Variants in CADM2 observed in about 807,000 individuals in gnomAD.
CADM2 encodes immunoglobulin superfamily member 4D.
In CADM2, 12 loss-of-function variants were observed where a neutral mutation model predicts 49.8. That is an observed-to-expected ratio of 0.24 (90% CI 0.15 to 0.39). The LOEUF (loss-of-function observed/expected upper bound fraction) is 0.39, where lower values mean the gene tolerates loss of function less well. Ranked by LOEUF, CADM2 falls within the 10% of genes least tolerant of loss-of-function variation. The pLI, the probability that CADM2 is intolerant of heterozygous loss-of-function variation, is 1.00. For synonymous variants in CADM2, 214 were observed against 175.4 expected (o/e 1.22, Z -1.74); for missense variants, 378 against 492.3 (o/e 0.77, Z 2.20).
At chr3:85,960,269 C>A (rs781125235) in intron 7 of CADM2, among the ~76,000 whole-genome samples, 1 of 151,876 alleles carries the variant, frequency 6.6e-6, no homozygotes, top group Admixed American at 6.6e-5. Flanking sequence ...AGAAAGGATG[C>A]CATACCCATA....
At chr3:85,969,412 A>T (rs1267509524) in intron 8 of CADM2, among the ~76,000 whole-genome samples, 1 of 151,412 alleles carries the variant, frequency 6.6e-6, no homozygotes, top group African/African-American at 2.4e-5. Context: ...CAAGATGCAC[A>T]AGAAATGCTG....
chr3:85,388,169 C>T (rs2034338324), intron 1 of CADM2, among the ~76,000 whole-genome samples: 1 of 152,170 alleles, frequency 6.6e-6, no homozygotes, highest in Non-Finnish European at 1.5e-5. Flanking sequence ...GCTGGGACTA[C>T]AGGAGCATAG....
At chr3:85,814,455 A>G (rs2073081041) in intron 3 of CADM2, among the ~76,000 whole-genome samples, 2 of 152,176 alleles carry the variant, frequency 1.3e-5, no homozygotes, top group Non-Finnish European at 2.9e-5. Context: ...ATAAAAATTC[A>G]AAGAACTAGA....
At chr3:85,567,225 C>T (rs1283209485) in intron 1 of CADM2, among the ~76,000 whole-genome samples, 1 of 152,184 alleles carries the variant, frequency 6.6e-6, no homozygotes, top group Non-Finnish European at 1.5e-5. Flanking sequence ...GTGTGCAAAT[C>T]TCATCAGGCT....
intron 1 of CADM2, among the ~76,000 whole-genome samples, chr3:85,410,114 A>T (rs147044599): frequency 5.2e-4 from 79 of 152,316 alleles, no homozygotes; most frequent in Admixed American, 4.3e-3. Context: ...AGTTTGGTCC[A>T]GCGGTTAGAA....
At chr3:84,969,839 G>T (rs1161990149) in intron 1 of CADM2, among the ~76,000 whole-genome samples, 1 of 151,656 alleles carries the variant, frequency 6.6e-6, no homozygotes, top group Non-Finnish European at 1.5e-5. Context: ...CGATATCTTT[G>T]GGTATTTAAC....
chr3:85,156,862 T>C (rs199996560), intron 1 of CADM2, among the ~76,000 whole-genome samples: 1 of 152,140 alleles, frequency 6.6e-6, no homozygotes, highest in Admixed American at 6.5e-5. Flanking sequence ...GAGAAGGAAA[T>C]AAAAGGTATT....
chr3:85,012,282 G>C (rs1023473170), intron 1 of CADM2, among the ~76,000 whole-genome samples: 2 of 150,832 alleles, frequency 1.3e-5, no homozygotes, highest in Non-Finnish European at 3.0e-5. Flanking sequence ...AGCTTTTCCA[G>C]GTTGCTCATC....
intron 1 of CADM2, among the ~76,000 whole-genome samples, chr3:85,579,145 T>C (rs1576853003): frequency 6.6e-6 from 1 of 152,320 alleles, no homozygotes; most frequent in East Asian, 1.9e-4. Flanking sequence ...TAGCAAGATA[T>C]TTGTATAAGT....
At chr3:85,082,952 A>G (rs1420263895) in intron 1 of CADM2, among the ~76,000 whole-genome samples, 1 of 152,178 alleles carries the variant, frequency 6.6e-6, no homozygotes, top group African/African-American at 2.4e-5. Context: ...GTTGAGGCAA[A>G]AAATTTCCAA....
At chr3:85,140,823 A>C (rs1254615574) in intron 1 of CADM2, among the ~76,000 whole-genome samples, 1 of 152,164 alleles carries the variant, frequency 6.6e-6, no homozygotes, top group Non-Finnish European at 1.5e-5. Flanking sequence ...GCTTGTCTTT[A>C]ACTTGGCAGG....
At chr3:85,100,344 G>T (rs575689832) in intron 1 of CADM2, among the ~76,000 whole-genome samples, 1 of 152,138 alleles carries the variant, frequency 6.6e-6, no homozygotes, top group South Asian at 2.1e-4. Flanking sequence ...GCTTTCAAGC[G>T]TGCAGTGATT....
chr3:85,075,988 G>C (rs1485794926), intron 1 of CADM2, among the ~76,000 whole-genome samples: 1 of 151,348 alleles, frequency 6.6e-6, no homozygotes, highest in African/African-American at 2.4e-5. Flanking sequence ...GAAAAGAAAA[G>C]CATATTGTTC....
rs1175601331 is a variant in CADM2, at chr3:85,839,470, T to C, written c.238+37274T>C. On this transcript the variant is annotated intron_variant, in intron 3 of 9. Transcript: ENST00000383699. Reference sequence around the variant, plus strand: ...AATAAACATGAAAAACATATGGTTATTATTCTTTGCCATTTTTTTTGGTTT... The same window carrying C: ...AATAAACATGAAAAACATATGGTTACTATTCTTTGCCATTTTTTTTGGTTT... 2.7e-5 allele frequency among the ~76,000 whole-genome samples: 4 copies of C among 148,098 alleles called. No homozygotes were observed. In the Admixed American group the frequency reaches 2.7e-4, roughly 10 times the overall value.
chr3:85,699,987 A>G (rs765496467), intron 1 of CADM2, among the ~76,000 whole-genome samples: 5 of 152,148 alleles, frequency 3.3e-5, no homozygotes, highest in Non-Finnish European at 7.4e-5. Context: ...ATTACTGGCT[A>G]TATACCCAAA....
chr3:85,193,860 G>A (rs1278881025), intron 1 of CADM2, among the ~76,000 whole-genome samples: 2 of 152,146 alleles, frequency 1.3e-5, no homozygotes, highest in South Asian at 2.1e-4. Flanking sequence ...CCTAAAACAT[G>A]CCAAATGCTA....
intron 1 of CADM2, among the ~76,000 whole-genome samples, chr3:85,402,285 A>C (rs2035151425): frequency 6.6e-6 from 1 of 151,942 alleles, no homozygotes; most frequent in Non-Finnish European, 1.5e-5. Context: ...CCATAATAGT[A>C]TTTTTTTAGT....
intron 1 of CADM2, among the ~76,000 whole-genome samples, chr3:85,672,953 C>T (rs2107638035): frequency 6.6e-6 from 1 of 152,234 alleles, no homozygotes; most frequent in African/African-American, 2.4e-5. Flanking sequence ...ACCCATGTTT[C>T]TGTAGTTTTC....
chr3:85,531,728 C>G (rs1424143740), intron 1 of CADM2, among the ~76,000 whole-genome samples: 1 of 151,576 alleles, frequency 6.6e-6, no homozygotes, highest in Admixed American at 6.6e-5. Context: ...AAAAATATAC[C>G]CATGATCTAT....
Sources: allele counts gnomAD v4.1 joint callset (sites outside exome capture counted in the v4.1 genomes callset), GRCh38; gene constraint gnomAD v4.1.1; transcripts MANE v1.5; gene names NCBI Gene and HGNC (gene_info 2026-07-23, HGNC 2026-07-21).